The following GPR143 variants were observed in gnomAD, a reference collection of about 807,000 sequenced individuals.
The protein encoded by GPR143 is G-protein coupled receptor 143.
GPR143 carries 8 observed loss-of-function variants against 27.6 expected under a neutral mutation model. The observed-to-expected ratio is 0.29, with a 90% confidence interval of 0.17 to 0.52. The LOEUF (loss-of-function observed/expected upper bound fraction) is 0.52. Among genes scored for constraint, GPR143 ranks in the 20% least tolerant of loss-of-function variants. The pLI, the probability that GPR143 is intolerant of heterozygous loss-of-function variation, is 0.96. For synonymous variants in GPR143, 156 were observed against 153.2 expected (o/e 1.02, Z -0.13); for missense variants, 303 against 343.1 (o/e 0.88, Z 0.92).
upstream of GPR143, among the ~76,000 whole-genome samples, chrX:9,768,442 T>C: frequency 8.9e-6 from 1 of 111,769 alleles, no homozygotes; most frequent in Non-Finnish European, 1.9e-5. Flanking sequence ...CTGCTTCCTG[T>C]CTGGCAGTGG....
At chrX:9,732,652 C>T (rs139326516) in intron 8 of GPR143, among the ~76,000 whole-genome samples, 1,406 of 109,995 alleles carry the variant, frequency 0.013, 11 homozygotes, top group East Asian at 0.025. Flanking sequence ...CACTTGAGGT[C>T]GGGAGTTTGA....
intron 1 of GPR143, among the ~76,000 whole-genome samples, chrX:9,778,025 A>C (rs1359514303): frequency 9.0e-6 from 1 of 110,846 alleles, no homozygotes; most frequent in Non-Finnish European, 1.9e-5. Flanking sequence ...TGGGAGGCGG[A>C]GCTCACAGTG....
rs750341493 is a variant in GPR143 at position 9,748,658 on chromosome X, A to T, written c.464T>A (p.Leu155Gln). 8.4e-7 allele frequency: 1 copy of T among 1,197,033 alleles called. No individual in the cohort carries two copies. The highest frequency in any genetic ancestry group is 1.1e-6 in the Non-Finnish European group (1 of 882,408). Reference sequence around the variant, plus strand: ...GCCCCACGCCATGATGTGATACAGCAGGATGGTGCTAGGGGACAAGCACAA... The same window carrying T: ...GCCCCACGCCATGATGTGATACAGCTGGATGGTGCTAGGGGACAAGCACAA... ...IRRSAGLSTILLYHIMAWGLA... is the reference protein window; with the variant it reads ...IRRSAGLSTIQLYHIMAWGLA... Residue 155 changes from leucine (L) to glutamine (Q), a missense_variant, in exon 4 of 9, where the codon CTG becomes CAG. Physicochemically the swap from Leu to Gln is moderately radical, Grantham distance 113 (BLOSUM62 -2). Coordinates refer to ENST00000467482, the MANE Select transcript of GPR143 (RefSeq NM_000273.3).
chrX:9,740,789 A>G (rs1477541207), intron 7 of GPR143: 4 of 274,448 alleles, frequency 1.5e-5, no homozygotes, highest in African/African-American at 6.8e-5. Flanking sequence ...CAGGTTGCCT[A>G]TAATGCTTTA....
chrX:9,725,871 G>A lies in GPR143; in HGVS notation c.1121-31C>T, dbSNP rs758630544. The A allele has an allele frequency of 2.5e-6, 3 of 1,181,330 alleles. No individual in the cohort carries two copies. The African/African-American group carries it at 5.4e-5, about 21-fold the overall frequency. ...GAGGAAAAGACAAAAGACTGACTGTGTCTGTGTCCTAGCAGGTTTGTCATC... is the reference window on the plus strand; with the variant it reads ...GAGGAAAAGACAAAAGACTGACTGTATCTGTGTCCTAGCAGGTTTGTCATC... On this transcript the variant is annotated intron_variant, in intron 8 of 8. Transcript: ENST00000467482.
At chrX:9,777,248 T>G (rs2083573573) in intron 1 of GPR143, among the ~76,000 whole-genome samples, 1 of 112,268 alleles carries the variant, frequency 8.9e-6, no homozygotes, top group Non-Finnish European at 1.9e-5. Context: ...CTTTACAAAA[T>G]AAAAGAAACT....
intron 3 of GPR143, among the ~76,000 whole-genome samples, chrX:9,756,582 G>A (rs2067438170): frequency 8.9e-6 from 1 of 111,886 alleles, no homozygotes; most frequent in Non-Finnish European, 1.9e-5. Context: ...GTGCAAAAGA[G>A]GTGAATAGAT....
At chrX:9,761,241 C>A (rs1235976843) in intron 1 of GPR143, among the ~76,000 whole-genome samples, 1 of 111,033 alleles carries the variant, frequency 9.0e-6, no homozygotes, top group African/African-American at 3.3e-5. Context: ...TTACAGGCAC[C>A]CACAACCACG....
intron 3 of GPR143, among the ~76,000 whole-genome samples, chrX:9,749,204 T>G (rs1022269391): frequency 9.3e-6 from 1 of 107,780 alleles, no homozygotes; most frequent in Admixed American, 9.7e-5. Context: ...CGAGAGCTGA[T>G]GGTTTTATAA....
chrX:9,726,379 T>A (rs779123491), intron 8 of GPR143, among the ~76,000 whole-genome samples: 1 of 111,520 alleles, frequency 9.0e-6, no homozygotes, highest in African/African-American at 3.3e-5. Flanking sequence ...CGATGCCATA[T>A]GGTTTCAGCA....
At chrX:9,756,152 T>C (rs1310550108) in intron 3 of GPR143, among the ~76,000 whole-genome samples, 1 of 112,286 alleles carries the variant, frequency 8.9e-6, no homozygotes, top group Non-Finnish European at 1.9e-5. Context: ...TTTACTGATA[T>C]TGGCTTTAAA....
rs1048262626 is a variant in GPR143, at chrX:9,744,032, A to G, written c.659-359T>C. Reference sequence around the variant, plus strand: ...ACAACTATGAAATTAACACAGGTACATTACTATGTTAACTCCCAATTTTGG... The same window carrying G: ...ACAACTATGAAATTAACACAGGTACGTTACTATGTTAACTCCCAATTTTGG... On this transcript the variant is annotated intron_variant, in intron 5 of 8. Transcript: ENST00000467482. 4.4e-5 allele frequency among the ~76,000 whole-genome samples: 5 copies of G among 112,419 alleles called. No homozygotes were observed. In the Admixed American group the frequency reaches 4.7e-4, roughly 11 times the overall value.
chrX:9,737,870 T>C (rs2083385572), intron 8 of GPR143, among the ~76,000 whole-genome samples: 1 of 110,842 alleles, frequency 9.0e-6, no homozygotes, highest in Non-Finnish European at 1.9e-5. Context: ...CATGGTGGTG[T>C]GCACCTGTAG....
intron 3 of GPR143, among the ~76,000 whole-genome samples, chrX:9,754,395 G>A (rs1180480709): frequency 9.0e-6 from 1 of 111,579 alleles, no homozygotes; most frequent in African/African-American, 3.3e-5. Flanking sequence ...TCTCAGCAAT[G>A]TGGGCCAGGA....
At chrX:9,748,762 A>C (rs1252494674) in intron 3 of GPR143, 96 bp from the exon 4 acceptor site, 2 of 572,366 alleles carry the variant, frequency 3.5e-6, no homozygotes, top group Non-Finnish European at 6.1e-6. Flanking sequence ...AAGGTCAGGA[A>C]AATGTACACA....
intron 4 of GPR143, among the ~76,000 whole-genome samples, chrX:9,747,556 T>C (rs2083434408): frequency 8.9e-6 from 1 of 111,916 alleles, no homozygotes; most frequent in African/African-American, 3.2e-5. Flanking sequence ...GCAGAATGTA[T>C]GGATGGATCT....
chrX:9,736,131 T>G (rs1172441975), intron 8 of GPR143, among the ~76,000 whole-genome samples: 1 of 110,720 alleles, frequency 9.0e-6, no homozygotes, highest in Non-Finnish European at 1.9e-5. Flanking sequence ...GGAAGCACAT[T>G]CTGGGGTGAC....
Position 9,765,595 on chromosome X carries a change from C to A in GPR143, c.223G>T (p.Ala75Ser). The A allele has an allele frequency of 9.5e-7, 1 of 1,048,354 alleles. No homozygotes were observed. The highest frequency in any genetic ancestry group is 1.2e-6 in the Non-Finnish European group (1 of 816,345). The allele number at this position is 1,048,354 out of a possible 1,213,427, so 86.4% of individuals were successfully genotyped here. Residue 75 changes from alanine (A) to serine (S), a missense_variant, in exon 1 of 9, where the codon GCT (alanine) becomes TCT (serine). Transcript: ENST00000467482. Reference sequence around the variant, plus strand: ...AGGCAGCCGAGAAGGTCGCAGGCAGCGGCAGCGCGCAGGATGCGGACCGAG... The same window carrying A: ...AGGCAGCCGAGAAGGTCGCAGGCAGAGGCAGCGCGCAGGATGCGGACCGAG... ...PASVRILRAA[A>S]ACDLLGCLGM...
chrX:9,741,419 G>T lies in GPR143; in HGVS notation c.804C>A (p.Phe268Leu). ...LSNIINESLL[F>L]YLEMQTDING... ...TGATATCTGTTTGCATCTCAAGATAGAATAAAAGGCTTTCATTGATGATAT... is the reference window on the plus strand; with the variant it reads ...TGATATCTGTTTGCATCTCAAGATATAATAAAAGGCTTTCATTGATGATAT... Residue 268 changes from phenylalanine to leucine, a missense_variant, in exon 7 of 9, where the codon TTC becomes TTA. Transcript: ENST00000467482. The T allele has an allele frequency of 8.7e-7, 1 of 1,150,620 alleles. No individual in the cohort carries two copies. Among genetic ancestry groups the T allele is most frequent in the Non-Finnish European group, 1.2e-6 (1 of 840,008 alleles). The allele number at this position is 1,150,620 out of a possible 1,213,427, so 94.8% of individuals were successfully genotyped here.
Sources: allele counts gnomAD v4.1 joint callset (sites outside exome capture counted in the v4.1 genomes callset), GRCh38; gene constraint gnomAD v4.1.1; transcripts MANE v1.5; gene names NCBI Gene and HGNC (gene_info 2026-07-23, HGNC 2026-07-21).